LY86: variants seen among roughly 807,000 people sequenced by gnomAD.
LY86 encodes lymphocyte antigen 86, also known as MD-1, RP105-associated.
A neutral mutation model predicts 17.3 loss-of-function variants in LY86; 20 were observed. The ratio of observed to expected loss-of-function variants is 1.15; its 90% CI spans 0.81 to 1.68. The LOEUF (loss-of-function observed/expected upper bound fraction) is 1.68. Ranked by LOEUF, LY86 falls within the 40% of genes most tolerant of loss-of-function variation. The pLI is 0.00. For synonymous variants in LY86, 74 were observed against 70.6 expected (o/e 1.05, Z -0.24); for missense variants, 200 against 191.9 (o/e 1.04, Z -0.25).
At chr6:6,613,886 C>T (rs2113123979) in intron 1 of LY86, among the ~76,000 whole-genome samples, 1 of 152,232 alleles carries the variant, frequency 6.6e-6, no homozygotes, top group East Asian at 1.9e-4. Flanking sequence ...TCCCACAGTG[C>T]AGTGTAAAGA....
intron 3 of LY86, among the ~76,000 whole-genome samples, chr6:6,629,301 A>G (rs1761862357): frequency 6.6e-6 from 1 of 152,260 alleles, no homozygotes; most frequent in African/African-American, 2.4e-5. Flanking sequence ...AGAGAAACTA[A>G]AATCTTAAAG....
At chr6:6,637,006 T>TTG (rs1761969286) in intron 3 of LY86, among the ~76,000 whole-genome samples, 1 of 141,986 alleles carries the variant, frequency 7.0e-6, no homozygotes, top group Non-Finnish European at 1.5e-5. Context: ...GCATATTGGT[T>TTG]TTTTTTTTTT....
intron 3 of LY86, among the ~76,000 whole-genome samples, chr6:6,643,418 C>T (rs945063236): frequency 4.6e-5 from 7 of 152,208 alleles, no homozygotes; most frequent in African/African-American, 1.7e-4. Flanking sequence ...GGCAGACAAA[C>T]ATTGCATGAT....
At chr6:6,592,846 AG>A (rs1760575113) in intron 1 of LY86, among the ~76,000 whole-genome samples, 2 of 152,182 alleles carry the variant, frequency 1.3e-5, no homozygotes, top group South Asian at 4.1e-4. Context: ...TGGCTGTTTA[AG>A]CCCCCCAGTC....
chr6:6,625,830 G>C (rs115325271), intron 2 of LY86, among the ~76,000 whole-genome samples: 2,121 of 152,298 alleles, frequency 0.014, 37 homozygotes, highest in African/African-American at 0.048. Context: ...TGGAGAAAAA[G>C]AGAGAATTGG....
intron 1 of LY86, among the ~76,000 whole-genome samples, chr6:6,599,374 C>A (rs963769100): frequency 6.6e-6 from 1 of 152,348 alleles, no homozygotes; most frequent in East Asian, 1.9e-4. Flanking sequence ...AGCACTTTCC[C>A]TTAACCTACC....
At chr6:6,650,016 T>C (rs559588014) in intron 4 of LY86, among the ~76,000 whole-genome samples, 7 of 152,254 alleles carry the variant, frequency 4.6e-5, no homozygotes, top group African/African-American at 1.7e-4. Flanking sequence ...GGGTTCCATA[T>C]GGCAGTGCTG....
chr6:6,613,860 C>G (rs562703046), intron 1 of LY86, among the ~76,000 whole-genome samples: 2 of 152,218 alleles, frequency 1.3e-5, no homozygotes, highest in African/African-American at 4.8e-5. Flanking sequence ...AGTCACTCCT[C>G]GAACACTTAA....
Position 6,588,882 on chromosome 6 carries a change from C to G in LY86, c.136+12C>G. 1 of 1,613,158 alleles carries G rather than the reference C, an allele frequency of 6.2e-7. No homozygotes were observed. Among genetic ancestry groups the G allele is most frequent in the Non-Finnish European group, 8.5e-7 (1 of 1,179,466 alleles). ...CTACCAGAGTTGCGGTAAGCCCTTG[C>G]AGTACACCCATGTGTGTTTATGGGG... is the stretch of plus-strand genomic sequence containing the variant. On this transcript the variant is annotated intron_variant, in intron 1 of 4. Coordinates refer to ENST00000230568, the MANE Select transcript of LY86 (RefSeq NM_004271.4).
intron 1 of LY86, among the ~76,000 whole-genome samples, chr6:6,611,981 C>T (rs186243765): frequency 2.2e-4 from 16 of 72,028 alleles, no homozygotes; most frequent in African/African-American, 1.2e-3. Context: ...GGATATCTAC[C>T]CCCTTAACTG....
intron 1 of LY86, among the ~76,000 whole-genome samples, chr6:6,596,402 AAAAAG>A (rs535195362): frequency 0.021 from 1,561 of 75,986 alleles, 18 homozygotes; most frequent in South Asian, 0.058. Context: ...GAAACATCAA[AAAAAG>A]AAAAGAAAAA....
chr6:6,608,471 C>A (rs1761252405), intron 1 of LY86, among the ~76,000 whole-genome samples: 1 of 152,190 alleles, frequency 6.6e-6, no homozygotes, highest in Admixed American at 6.5e-5. Context: ...CACTTTTTTG[C>A]AATTACAAAC....
intron 1 of LY86, among the ~76,000 whole-genome samples, chr6:6,608,160 C>T (rs935169557): frequency 1.3e-5 from 2 of 152,162 alleles, no homozygotes; most frequent in Admixed American, 6.5e-5. Context: ...ACTGAAGGAC[C>T]TCACCAGTGT....
At chr6:6,613,439 G>A (rs1025796853) in intron 1 of LY86, among the ~76,000 whole-genome samples, 5 of 152,190 alleles carry the variant, frequency 3.3e-5, no homozygotes, top group Non-Finnish European at 5.9e-5. Context: ...CTGCCGCGCC[G>A]GGAGGCAGCC....
At chr6:6,597,134 T>C (rs1760740192) in intron 1 of LY86, among the ~76,000 whole-genome samples, 1 of 152,184 alleles carries the variant, frequency 6.6e-6, no homozygotes, top group Non-Finnish European at 1.5e-5. Context: ...GCAGCAGCGA[T>C]TGTGAGGTCC....
chr6:6,600,707 G>A (rs1237868912), intron 1 of LY86, among the ~76,000 whole-genome samples: 1 of 149,574 alleles, frequency 6.7e-6, no homozygotes, highest in Non-Finnish European at 1.5e-5. Flanking sequence ...TTCTCCAAAT[G>A]TAGAAAAGCT....
rs1411750618 is a variant in LY86 at position 6,588,743 on chromosome 6, T to C, written c.9T>C (p.Gly3=). The change falls in exon 1 of 5, where the codon GGT becomes GGC. Residue 3 remains glycine, a synonymous_variant. Coordinates refer to ENST00000230568, the MANE Select transcript of LY86 (RefSeq NM_004271.4). MK[G]FTATLFLWTL... Reference sequence around the variant, plus strand: ...CCATACAGGCCCCCACCATGAAGGGTTTCACAGCCACTCTCTTCCTCTGGA... The same window carrying C: ...CCATACAGGCCCCCACCATGAAGGGCTTCACAGCCACTCTCTTCCTCTGGA... 6.8e-6 allele frequency: 11 copies of C among 1,613,796 alleles called. No individual in the cohort carries two copies. Among genetic ancestry groups the C allele is most frequent in the Non-Finnish European group, 8.5e-6 (10 of 1,179,880 alleles).
chr6:6,605,199 T>G (rs1249943842), intron 1 of LY86, among the ~76,000 whole-genome samples: 2 of 152,184 alleles, frequency 1.3e-5, no homozygotes, highest in Non-Finnish European at 1.5e-5. Flanking sequence ...GGAACAAGAA[T>G]GTGTTAGATT....
intron 1 of LY86, among the ~76,000 whole-genome samples, chr6:6,601,574 G>C (rs1760909778): frequency 6.6e-6 from 1 of 152,128 alleles, no homozygotes; most frequent in Non-Finnish European, 1.5e-5. Flanking sequence ...CAAGAAATTA[G>C]CCAGGCGCAG....
Sources: allele counts gnomAD v4.1 joint callset (sites outside exome capture counted in the v4.1 genomes callset), GRCh38; gene constraint gnomAD v4.1.1; transcripts MANE v1.5; gene names NCBI Gene and HGNC (gene_info 2026-07-23, HGNC 2026-07-21).